Variants in MAPK10 observed in about 807,000 individuals in gnomAD.
MAPK10 encodes JNK3 alpha protein kinase.
In MAPK10, 25 loss-of-function variants were observed where a neutral mutation model predicts 59.3. The ratio of observed to expected loss-of-function variants is 0.42; its 90% CI spans 0.31 to 0.59. The LOEUF is 0.59. Ranked by LOEUF, MAPK10 falls within the 20% of genes least tolerant of loss-of-function variation. The probability of loss-of-function intolerance (pLI) is 0.15; values close to 1 mark genes in which losing one functional copy is unlikely to be tolerated. For missense variants in MAPK10, 351 were observed against 568.9 expected (o/e 0.62, Z 3.90); for synonymous variants, 190 against 200.5 (o/e 0.95, Z 0.44).
chr4:86,325,034 A>G (rs946022274), intron 2 of MAPK10, among the ~76,000 whole-genome samples: 1 of 152,238 alleles, frequency 6.6e-6, no homozygotes, highest in Non-Finnish European at 1.5e-5. Flanking sequence ...CACAAAGGAA[A>G]TAGAGATTTC....
At position 86,427,128 on chromosome 4, in the gene MAPK10, G is replaced by T. The variant is rs552850267; in HGVS notation, c.-122+25902C>A. ...AAAAATTAGCCGGGTGTGGTGGCAT[G>T]TGCCTGTAATTCCAGCTACTCAGGA... On this transcript the variant is annotated intron_variant, in intron 1 of 13. Transcript: ENST00000361569. Among the ~76,000 whole-genome samples, 51 of 151,874 alleles carry T rather than the reference G, an allele frequency of 3.4e-4. 1 individual carries two copies. Among genetic ancestry groups the T allele is most frequent in the African/African-American group, 1.2e-3 (49 of 41,404 alleles).
intron 1 of MAPK10, among the ~76,000 whole-genome samples, chr4:86,413,611 G>A (rs979809734): frequency 2.0e-5 from 3 of 152,172 alleles, no homozygotes; most frequent in African/African-American, 7.2e-5. Context: ...AGCTATTCAA[G>A]CCTCAGCAAT....
chr4:86,118,579 T>TAC (rs148000432), intron 4 of MAPK10, among the ~76,000 whole-genome samples: 3,074 of 146,332 alleles, frequency 0.021, 48 homozygotes, highest in African/African-American at 0.057. Context: ...TAAATACACA[T>TAC]ACACACACAC....
intron 4 of MAPK10, among the ~76,000 whole-genome samples, chr4:86,108,364 C>T (rs2056902784): frequency 6.6e-6 from 1 of 152,126 alleles, no homozygotes; most frequent in South Asian, 2.1e-4. Flanking sequence ...ACTTTGAGTC[C>T]TGCTGGGTTT....
intron 2 of MAPK10, among the ~76,000 whole-genome samples, chr4:86,199,977 G>T (rs931503933): frequency 2.6e-5 from 4 of 151,828 alleles, no homozygotes; most frequent in Non-Finnish European, 4.4e-5. Context: ...TCCCATTTTA[G>T]ATTTTTTGTT....
chr4:86,541,440 T>C (rs1578050053), intron 1 of MAPK10, among the ~76,000 whole-genome samples: 1 of 152,060 alleles, frequency 6.6e-6, no homozygotes, highest in East Asian at 1.9e-4. Context: ...GGTGGTAGCG[T>C]GAGCTTTTTC....
chr4:86,187,995 T>TG (rs1202273404), intron 3 of MAPK10, among the ~76,000 whole-genome samples: 6 of 152,134 alleles, frequency 3.9e-5, no homozygotes, highest in African/African-American at 1.4e-4. Flanking sequence ...AGTGAGAACA[T>TG]GGGATGTTTG....
intron 1 of MAPK10, among the ~76,000 whole-genome samples, chr4:86,477,674 C>T (rs1213528913): frequency 6.6e-6 from 1 of 152,166 alleles, no homozygotes; most frequent in African/African-American, 2.4e-5. Flanking sequence ...TACAGTTCCC[C>T]CATTTTACCT....
At chr4:86,261,269 C>A (rs1355468892) in intron 2 of MAPK10, among the ~76,000 whole-genome samples, 1 of 152,168 alleles carries the variant, frequency 6.6e-6, no homozygotes, top group Admixed American at 6.5e-5. Flanking sequence ...TTGGATGATA[C>A]TGTTGAATCA....
intron 11 of MAPK10, among the ~76,000 whole-genome samples, chr4:86,052,745 A>G (rs2043819024): frequency 6.6e-6 from 1 of 152,144 alleles, no homozygotes; most frequent in African/African-American, 2.4e-5. Flanking sequence ...CCTAGGCTGG[A>G]GTGCTGTGGT....
chr4:86,161,322 C>G (rs115802583), intron 3 of MAPK10, among the ~76,000 whole-genome samples: 6 of 152,132 alleles, frequency 3.9e-5, no homozygotes, highest in African/African-American at 1.4e-4. Context: ...ACATTGCAAG[C>G]CTATTCAAGG....
intron 1 of MAPK10, among the ~76,000 whole-genome samples, chr4:86,515,420 T>TAAA (rs759840839): frequency 7.2e-5 from 11 of 152,194 alleles, no homozygotes; most frequent in Non-Finnish European, 1.6e-4. Context: ...CACTGTTTTT[T>TAAA]ATAGTGGTTG....
At chr4:86,070,820 T>G (rs1251432165) in intron 9 of MAPK10, among the ~76,000 whole-genome samples, 1 of 152,066 alleles carries the variant, frequency 6.6e-6, no homozygotes, top group Admixed American at 6.6e-5. Context: ...GTTCCAAGTC[T>G]TTGCTATTGT....
intron 4 of MAPK10, among the ~76,000 whole-genome samples, chr4:86,109,923 G>A (rs1422919004): frequency 2.6e-5 from 4 of 152,088 alleles, no homozygotes; most frequent in Non-Finnish European, 5.9e-5. Flanking sequence ...TATCACCATT[G>A]TGAATGACAT....
intron 8 of MAPK10, chr4:86,099,226 A>C (rs1215624985): frequency 6.6e-6 from 1 of 152,324 alleles, no homozygotes; most frequent in Non-Finnish European, 1.5e-5. Context: ...TTTAGTTTCC[A>C]TTTGAAATAT....
intron 1 of MAPK10, among the ~76,000 whole-genome samples, chr4:86,395,531 G>A (rs1290638491): frequency 6.6e-6 from 1 of 152,208 alleles, no homozygotes; most frequent in African/African-American, 2.4e-5. Context: ...TCAATCACCA[G>A]GTATTGATAG....
intron 3 of MAPK10, among the ~76,000 whole-genome samples, chr4:86,173,158 G>T (rs2074788813): frequency 6.6e-6 from 1 of 152,030 alleles, no homozygotes; most frequent in South Asian, 2.1e-4. Context: ...AACCCGTATA[G>T]CCAATACAAT....
intron 3 of MAPK10, among the ~76,000 whole-genome samples, chr4:86,174,531 C>G (rs868413272): frequency 4.6e-5 from 7 of 152,204 alleles, no homozygotes; most frequent in Middle Eastern, 6.8e-3. Context: ...TTGATAGGTG[C>G]AGGAAATCAT....
intron 1 of MAPK10, among the ~76,000 whole-genome samples, chr4:86,591,929 G>A (rs1190843465): frequency 6.6e-6 from 1 of 151,956 alleles, no homozygotes; most frequent in African/African-American, 2.4e-5. Context: ...ATGTTATAAA[G>A]GAAGTGGCTG....
Sources: allele counts gnomAD v4.1 joint callset (sites outside exome capture counted in the v4.1 genomes callset), GRCh38; gene constraint gnomAD v4.1.1; transcripts MANE v1.5; gene names NCBI Gene and HGNC (gene_info 2026-07-23, HGNC 2026-07-21).